MACROD2: variants seen among roughly 807,000 people sequenced by gnomAD.
The protein encoded by MACROD2 is mono-ADP ribosylhydrolase 2.
A neutral mutation model predicts 70.4 loss-of-function variants in MACROD2; 36 were observed. The ratio of observed to expected loss-of-function variants is 0.51; its 90% CI spans 0.39 to 0.68. The LOEUF (loss-of-function observed/expected upper bound fraction) is 0.68. Ranked by LOEUF, MACROD2 falls within the 30% of genes least tolerant of loss-of-function variation. The pLI is 0.00. For missense variants in MACROD2, 496 were observed against 538.4 expected (o/e 0.92, Z 0.78); for synonymous variants, 172 against 178.8 (o/e 0.96, Z 0.30).
rs994877476 is a variant in MACROD2 at position 14,085,021 on chromosome 20, G to C, written c.164-600G>C. Among the ~76,000 whole-genome samples, 10 of 146,256 alleles carry C rather than the reference G, an allele frequency of 6.8e-5. No homozygotes were observed. The Admixed American group carries it at 6.9e-4, about 10-fold the overall frequency. ...CTCATGCCTGTAATTCCAGCTACTT[G>C]GTTGGGGGGTGGGGGGGTGGTGGGG... On this transcript the variant is annotated intron_variant, in intron 2 of 17. Transcript: ENST00000684519.
intron 3 of MACROD2, among the ~76,000 whole-genome samples, chr20:14,237,350 C>T (rs2081885564): frequency 6.6e-6 from 1 of 151,822 alleles, no homozygotes; most frequent in African/African-American, 2.4e-5. Flanking sequence ...ATATTATCAT[C>T]TCTGCACATT....
chr20:14,230,771 T>G (rs1367349545), intron 3 of MACROD2, among the ~76,000 whole-genome samples: 2 of 147,810 alleles, frequency 1.4e-5, no homozygotes, highest in East Asian at 4.1e-4. Context: ...TCTAGAATGG[T>G]GAATCCTTTT....
At chr20:14,171,291 G>A (rs1043263638) in intron 3 of MACROD2, among the ~76,000 whole-genome samples, 4 of 152,012 alleles carry the variant, frequency 2.6e-5, no homozygotes, top group African/African-American at 7.2e-5. Flanking sequence ...CGAATAACCA[G>A]CTTTTTGTTT....
intron 3 of MACROD2, among the ~76,000 whole-genome samples, chr20:14,217,370 G>A (rs970788415): frequency 6.6e-6 from 1 of 152,142 alleles, no homozygotes; most frequent in African/African-American, 2.4e-5. Context: ...CTTGATCATG[G>A]TGGATTACCT....
intron 7 of MACROD2, among the ~76,000 whole-genome samples, chr20:15,475,037 C>T (rs959972293): frequency 1.3e-4 from 20 of 151,866 alleles, no homozygotes; most frequent in African/African-American, 4.4e-4. Context: ...AATAACAATA[C>T]AGCAATTAAA....
At chr20:15,197,090 G>T in intron 5 of MACROD2, 1 of 932,786 alleles carries the variant, frequency 1.1e-6, no homozygotes, top group Non-Finnish European at 1.3e-6. Flanking sequence ...TGTCTGGTTT[G>T]GTTCTCCTTT....
intron 4 of MACROD2, among the ~76,000 whole-genome samples, chr20:14,528,241 C>T (rs2085257311): frequency 6.6e-6 from 1 of 151,126 alleles, no homozygotes; most frequent in Admixed American, 6.6e-5. Flanking sequence ...TCCCAAGTAG[C>T]TGGGATTACA....
At chr20:14,824,271 T>C (rs2072878277) in intron 5 of MACROD2, among the ~76,000 whole-genome samples, 1 of 152,128 alleles carries the variant, frequency 6.6e-6, no homozygotes, top group Non-Finnish European at 1.5e-5. Flanking sequence ...TGTAGCTTCT[T>C]TAAACACTCT....
intron 6 of MACROD2, among the ~76,000 whole-genome samples, chr20:15,365,647 C>T (rs909961141): frequency 5.6e-4 from 84 of 149,064 alleles, no homozygotes; most frequent in African/African-American, 1.9e-3. Flanking sequence ...GGCGACAGAG[C>T]GAGGCTCTGT....
At chr20:15,466,165 C>A (rs771343981) in intron 7 of MACROD2, among the ~76,000 whole-genome samples, 2 of 152,196 alleles carry the variant, frequency 1.3e-5, no homozygotes, top group Non-Finnish European at 2.9e-5. Context: ...GCTGGGCATT[C>A]TGCACAAGTC....
chr20:14,217,164 G>C (rs79468779), intron 3 of MACROD2, among the ~76,000 whole-genome samples: 1 of 151,896 alleles, frequency 6.6e-6, no homozygotes, highest in African/African-American at 2.4e-5. Context: ...GGCTTTTATT[G>C]CATTAAGGTA....
At chr20:14,099,433 A>G (rs183999065) in intron 3 of MACROD2, among the ~76,000 whole-genome samples, 459 of 152,212 alleles carry the variant, frequency 3.0e-3, no homozygotes, top group Middle Eastern at 6.8e-3. Flanking sequence ...ACCTATATAT[A>G]TTCTTTAGTG....
intron 5 of MACROD2, among the ~76,000 whole-genome samples, chr20:15,097,223 A>C (rs1048612091): frequency 5.9e-5 from 9 of 152,192 alleles, no homozygotes; most frequent in Non-Finnish European, 1.0e-4. Flanking sequence ...ATGGAAAAAC[A>C]ATATGCAAAA....
chr20:15,035,769 T>G (rs543574647), intron 5 of MACROD2, among the ~76,000 whole-genome samples: 27 of 152,326 alleles, frequency 1.8e-4, no homozygotes, highest in African/African-American at 6.5e-4. Flanking sequence ...ACCCTGTTCT[T>G]TGTTTTTCTC....
chr20:14,115,762 A>T (rs2054506150), intron 3 of MACROD2, among the ~76,000 whole-genome samples: 1 of 152,210 alleles, frequency 6.6e-6, no homozygotes, highest in South Asian at 2.1e-4. Context: ...ATAAATGGCC[A>T]TTTATGGTAA....
At chr20:15,583,185 C>T (rs2048550280) in intron 8 of MACROD2, among the ~76,000 whole-genome samples, 1 of 152,212 alleles carries the variant, frequency 6.6e-6, no homozygotes, top group Non-Finnish European at 1.5e-5. Context: ...GCTCTACCTT[C>T]AATGGCCTGT....
intron 2 of MACROD2, among the ~76,000 whole-genome samples, chr20:14,040,725 T>A (rs1317555854): frequency 6.6e-6 from 1 of 152,200 alleles, no homozygotes; most frequent in Non-Finnish European, 1.5e-5. Flanking sequence ...GTTAAGTGAT[T>A]GTGCTATGAC....
Position 14,012,940 on chromosome 20 carries a change from T to C in MACROD2, c.163+10536T>C, listed in dbSNP as rs1233859281. 3.9e-5 allele frequency among the ~76,000 whole-genome samples: 6 copies of C among 152,200 alleles called. No homozygotes were observed. In the East Asian group the frequency reaches 1.2e-3, roughly 29 times the overall value. On this transcript the variant is annotated intron_variant, in intron 2 of 17. Transcript: ENST00000684519. Reference sequence around the variant, plus strand: ...CAGTTGTGATTTAGTACTGCCTCTTTACCTTTGTTTACCTTTCTCTTGACT... The same window carrying C: ...CAGTTGTGATTTAGTACTGCCTCTTCACCTTTGTTTACCTTTCTCTTGACT...
intron 8 of MACROD2, among the ~76,000 whole-genome samples, chr20:15,540,695 G>A (rs2047943347): frequency 6.6e-6 from 1 of 152,174 alleles, no homozygotes; most frequent in Admixed American, 6.5e-5. Flanking sequence ...AGTACTGGAG[G>A]CTGGCAGTCT....
Sources: gnomAD v4.1 joint callset for allele counts (sites outside exome capture counted in the v4.1 genomes callset) on GRCh38, gnomAD v4.1.1 for gene constraint, MANE v1.5 for transcripts, NCBI Gene and HGNC (gene_info 2026-07-23, HGNC 2026-07-21) for gene names.